Variants in PAN2 observed in about 807,000 individuals in gnomAD.
The protein encoded by PAN2 is PAN2-PAN3 deadenylation complex catalytic subunit PAN2.
A neutral mutation model predicts 133.3 loss-of-function variants in PAN2; 68 were observed. The observed-to-expected ratio is 0.51, with a 90% CI of 0.42 to 0.62. The LOEUF (loss-of-function observed/expected upper bound fraction) is 0.62. Ranked by LOEUF, PAN2 falls within the 20% of genes least tolerant of loss-of-function variation. PAN2 has a pLI of 0.00. For synonymous variants in PAN2, 462 were observed against 544.6 expected (o/e 0.85, Z 2.11); for missense variants, 1,042 against 1,500.5 (o/e 0.69, Z 5.05).
intron 12 of PAN2, 48 bp from the exon 13 acceptor site, chr12:56,324,233 C>T (rs753101912): frequency 6.2e-7 from 1 of 1,611,362 alleles, no homozygotes; most frequent in Non-Finnish European, 8.5e-7. Flanking sequence ...GTTAGGAGAC[C>T]TTTTAAATCA....
intron 3 of PAN2, 38 bp downstream of exon 3, chr12:56,328,434 C>T (rs1258241524): frequency 6.2e-7 from 1 of 1,609,698 alleles, no homozygotes; most frequent in Non-Finnish European, 8.5e-7. Flanking sequence ...CCCTATGAGG[C>T]ATCCTCGTTC....
rs1168184663 is a variant in PAN2 at position 56,327,359 on chromosome 12, C to T, written c.919+5G>A. ...CTCCTACCCAATCCCATATGCCCTTCATACCTGACTGAGAGATGATAGCAA... is the reference window on the plus strand; with the variant it reads ...CTCCTACCCAATCCCATATGCCCTTTATACCTGACTGAGAGATGATAGCAA... On this transcript the variant is annotated splice_donor_5th_base_variant and intron_variant, in intron 6 of 25. Transcript: ENST00000440411. 2 of 1,613,982 alleles carry T rather than the reference C, an allele frequency of 1.2e-6. No individual in the cohort carries two copies. Among genetic ancestry groups the T allele is most frequent in the Non-Finnish European group, 1.7e-6 (2 of 1,179,858 alleles).
In PAN2 at chr12:56,327,643, A is replaced by G; in HGVS notation, c.652-12T>C. ...TCTCTCAGGGAAACCTAGAAAAAAAAAATTCAGTTATCTGCAAATTCTGTT... is the reference window on the plus strand; with the variant it reads ...TCTCTCAGGGAAACCTAGAAAAAAAGAATTCAGTTATCTGCAAATTCTGTT... On this transcript the variant is annotated splice_polypyrimidine_tract_variant and intron_variant, in intron 5 of 25. Coordinates refer to ENST00000440411, the MANE Select transcript of PAN2 (RefSeq NM_014871.6). 1 of 1,611,038 alleles carries G rather than the reference A, an allele frequency of 6.2e-7. No homozygotes were observed. Among genetic ancestry groups the G allele is most frequent in the African/African-American group, 1.3e-5 (1 of 74,838 alleles).
chr12:56,318,170 C>T, intron 25 of PAN2, 67 bp downstream of exon 25: 1 of 1,344,834 alleles, frequency 7.4e-7, no homozygotes, highest in Admixed American at 1.7e-5. Context: ...GAGTGAGACC[C>T]TGTCACAAAC....
chr12:56,326,688 G>T lies in PAN2; in HGVS notation c.1191C>A (p.Leu397=), dbSNP rs748830716. The T allele has an allele frequency of 8.1e-6, 13 of 1,614,118 alleles. No homozygotes were observed. The highest frequency in any genetic ancestry group is 1.7e-4 in the Middle Eastern group (1 of 6,060). The change falls in exon 7 of 26, where the codon CTC becomes CTA. Residue 397 remains leucine, a synonymous_variant. Coordinates refer to ENST00000440411, the MANE Select transcript of PAN2 (RefSeq NM_014871.6). ...DWSQDLLPLS[L]IPVPLTTDTL... ...TGTCAGTGGTGAGTGGGACAGGGAT[G>T]AGGGAAAGAGGCAGCAGGTCCTGGC... is the stretch of plus-strand genomic sequence containing the variant.
intron 2 of PAN2, among the ~76,000 whole-genome samples, chr12:56,330,701 C>T (rs1305298257): frequency 6.6e-6 from 1 of 152,036 alleles, no homozygotes; most frequent in East Asian, 1.9e-4. Context: ...CTATGTTGCC[C>T]AGACTGGTAT....
chr12:56,326,686 A>T lies in PAN2; in HGVS notation c.1193T>A (p.Ile398Asn). Residue 398 changes from isoleucine to asparagine, a missense_variant, in exon 7 of 26, where the codon ATC becomes AAC. By Grantham distance (149) the Ile-to-Asn change is moderately radical (BLOSUM62 -3). Transcript: ENST00000440411. ...TGTGTCAGTGGTGAGTGGGACAGGG[A>T]TGAGGGAAAGAGGCAGCAGGTCCTG... ...WSQDLLPLSL[I>N]PVPLTTDTLL... is the part of the protein sequence containing the mutation. 1 of 1,614,026 alleles carries T rather than the reference A, an allele frequency of 6.2e-7. No individual in the cohort carries two copies. The highest frequency in any genetic ancestry group is 8.5e-7 in the Non-Finnish European group (1 of 1,179,972).
rs752553270 is a variant in PAN2 at position 56,324,728 on chromosome 12, G to T, written c.1600-19C>A. 43 of 1,607,864 alleles carry T rather than the reference G, an allele frequency of 2.7e-5. No homozygotes were observed. The South Asian group carries it at 4.8e-4, about 18-fold the overall frequency. On this transcript the variant is annotated intron_variant, in intron 10 of 25. Coordinates refer to ENST00000440411, the MANE Select transcript of PAN2 (RefSeq NM_014871.6). ...AGAGCACCTGGAGGGAAAAGCAGAAGAACTGATGTAGGAAACTGGCCTGGG... is the reference window on the plus strand; with the variant it reads ...AGAGCACCTGGAGGGAAAAGCAGAATAACTGATGTAGGAAACTGGCCTGGG...
rs542758401 is a variant in PAN2 at position 56,333,970 on chromosome 12, C to T, written c.-223G>A. The T allele has an allele frequency of 6.6e-6, 1 of 152,188 alleles. No individual in the cohort carries two copies. The highest frequency in any genetic ancestry group is 1.5e-5 in the Non-Finnish European group (1 of 68,034). The allele number at this position is 152,188 out of a possible 1,614,324, so 9.4% of individuals were successfully genotyped here. On this transcript the variant is annotated 5_prime_UTR_variant, in exon 1 of 26. Transcript: ENST00000440411. Reference sequence around the variant, plus strand: ...AATTCCAGTTTCCCCAGTTCTCCCCCACGCCTAGGGCTCAACCTAACCACT... The same window carrying T: ...AATTCCAGTTTCCCCAGTTCTCCCCTACGCCTAGGGCTCAACCTAACCACT...
At chr12:56,324,814 C>A (rs1310532000) in intron 10 of PAN2, 105 bp from the exon 11 acceptor site, 7 of 1,461,778 alleles carry the variant, frequency 4.8e-6, no homozygotes, top group Non-Finnish European at 6.5e-6. Flanking sequence ...AAGCAGGAGT[C>A]CACCGAAGCA....
rs1875247945 is a variant in PAN2, at chr12:56,327,459, A to G, written c.824T>C (p.Met275Thr). The G allele has an allele frequency of 6.2e-7, 1 of 1,614,112 alleles. No homozygotes were observed. The highest frequency in any genetic ancestry group is 1.3e-5 in the African/African-American group (1 of 74,932). Residue 275 changes from methionine to threonine, a missense_variant, in exon 6 of 26, where the codon ATG (methionine) becomes ACG (threonine). Physicochemically the swap from Met to Thr is moderately conservative, Grantham distance 81 (BLOSUM62 -1). Transcript: ENST00000440411. The part of the protein sequence containing the change: ...RFLKVYDLRM[M>T]RAITPLQVHV... ...TACTTGAAGTGGTGTGATGGCACGC[A>G]TCATGCGCAAATCATACACCTTGAG...
chr12:56,333,117 T>C lies in PAN2; in HGVS notation c.-23A>G. 1.2e-6 allele frequency: 2 copies of C among 1,609,300 alleles called. No individual in the cohort carries two copies. The highest frequency in any genetic ancestry group is 1.7e-6 in the Non-Finnish European group (2 of 1,176,758). ...CATGATGACGATGGCAGCTTACACC[T>C]GTGTCACACCCTCCCTTACCACAGT... On this transcript the variant is annotated 5_prime_UTR_variant, in exon 2 of 26. Coordinates refer to ENST00000440411, the MANE Select transcript of PAN2 (RefSeq NM_014871.6).
At chr12:56,326,556 T>C (rs1875149341) in intron 7 of PAN2, 61 bp downstream of exon 7, 1 of 1,530,838 alleles carries the variant, frequency 6.5e-7, no homozygotes, top group Non-Finnish European at 8.8e-7. Context: ...TAGCAGAGAA[T>C]TCTGGTATCT....
At chr12:56,330,438 CA>C (rs1216475746) in intron 2 of PAN2, among the ~76,000 whole-genome samples, 1 of 134,646 alleles carries the variant, frequency 7.4e-6, no homozygotes, top group African/African-American at 2.7e-5. Flanking sequence ...CGGCTCACTG[CA>C]AGCTCCGCCT....
At chr12:56,330,421 G>A (rs919553657) in intron 2 of PAN2, among the ~76,000 whole-genome samples, 3 of 137,640 alleles carry the variant, frequency 2.2e-5, no homozygotes, top group Admixed American at 7.7e-5. Flanking sequence ...GTGCAGTGGC[G>A]GGATCTCGGC....
intron 17 of PAN2, 55 bp from the exon 18 acceptor site, chr12:56,322,813 G>A (rs1236685975): frequency 1.9e-6 from 3 of 1,574,332 alleles, no homozygotes; most frequent in Non-Finnish European, 2.6e-6. Flanking sequence ...GGAAGGGAGG[G>A]GAATGGGGAC....
rs140866077 is a variant in PAN2 at position 56,329,288 on chromosome 12, AT to A, written c.283-648del. 8.6e-3 allele frequency among the ~76,000 whole-genome samples: 1,313 copies of A among 152,040 alleles called. 22 individuals carry two copies. The highest frequency in any genetic ancestry group is 0.031 in the African/African-American group (1,272 of 41,440). On this transcript the variant is annotated intron_variant, in intron 2 of 25. Transcript: ENST00000440411. ...TATATCTGACAGTCAAGTCCTATGT[AT>A]TTTTTTCCTAACCACTAGATAACCA...
Position 56,323,090 on chromosome 12 carries a change from C to A in PAN2, c.2465G>T (p.Cys822Phe). ...KMTKNKGLDV[C>F]NWTDGDEMQW... is the part of the protein sequence containing the mutation. ...CATCTCATCCCCATCAGTCCAATTGCAAACATCCAGCCCTTTGTTTTTGGT... is the reference window on the plus strand; with the variant it reads ...CATCTCATCCCCATCAGTCCAATTGAAAACATCCAGCCCTTTGTTTTTGGT... Residue 822 changes from cysteine (C) to phenylalanine (F), a missense_variant, in exon 17 of 26, where the codon TGC (cysteine) becomes TTC (phenylalanine). Coordinates refer to ENST00000440411, the MANE Select transcript of PAN2 (RefSeq NM_014871.6). The A allele has an allele frequency of 5.6e-6, 9 of 1,614,160 alleles. No homozygotes were observed. The highest frequency in any genetic ancestry group is 7.6e-6 in the Non-Finnish European group (9 of 1,180,044).
chr12:56,321,065 A>G (rs1874459361), intron 20 of PAN2, among the ~76,000 whole-genome samples: 1 of 145,704 alleles, frequency 6.9e-6, no homozygotes, highest in African/African-American at 2.5e-5. Context: ...ACTCTGTCCA[A>G]AAAAAAAAAA....
Sources: gnomAD v4.1 joint callset for allele counts (sites outside exome capture counted in the v4.1 genomes callset) on GRCh38, gnomAD v4.1.1 for gene constraint, MANE v1.5 for transcripts, NCBI Gene and HGNC (gene_info 2026-07-23, HGNC 2026-07-21) for gene names.